Variants in MGAT5 observed in about 807,000 individuals in gnomAD.
The protein encoded by MGAT5 is alpha-1,6-mannosylglycoprotein 6-beta-N-acetylglucosaminyltransferase, also known as alpha-1,6-mannosylglycoprotein 6-beta-N-acetylglucosaminyltransferase A.
A neutral mutation model predicts 94.3 loss-of-function variants in MGAT5; 30 were observed. The ratio of observed to expected loss-of-function variants is 0.32; its 90% CI spans 0.24 to 0.43. The LOEUF is 0.43. Ranked by LOEUF, MGAT5 falls within the 20% of genes least tolerant of loss-of-function variation. The pLI, the probability that MGAT5 is intolerant of heterozygous loss-of-function variation, is 1.00. For synonymous variants in MGAT5, 310 were observed against 322.9 expected, an observed-to-expected ratio of 0.96 and a Z score of 0.43; for missense variants, 691 against 905.5, an observed-to-expected ratio of 0.76 and a Z score of 3.04.
intron 1 of MGAT5, among the ~76,000 whole-genome samples, chr2:134,171,373 C>T (rs904857398): frequency 3.9e-5 from 6 of 151,960 alleles, no homozygotes; most frequent in Admixed American, 1.3e-4. Flanking sequence ...TAGGCTAGTC[C>T]GGAAAGCATT....
intron 2 of MGAT5, among the ~76,000 whole-genome samples, chr2:134,289,828 G>C (rs1419729125): frequency 1.4e-4 from 21 of 152,214 alleles, no homozygotes; most frequent in Admixed American, 1.4e-3. Context: ...GAGGAATTAA[G>C]CATGCCCTAT....
intron 1 of MGAT5, among the ~76,000 whole-genome samples, chr2:134,124,101 G>C (rs562195505): frequency 6.6e-6 from 1 of 152,284 alleles, no homozygotes; most frequent in Admixed American, 6.5e-5. Context: ...CATGTGCTGT[G>C]CACTGGGCTG....
intron 1 of MGAT5, among the ~76,000 whole-genome samples, chr2:134,232,278 A>G (rs1681409912): frequency 1.3e-5 from 2 of 152,068 alleles, no homozygotes; most frequent in African/African-American, 2.4e-5. Flanking sequence ...CATCCTCTAC[A>G]CAGCAGCCAA....
intron 10 of MGAT5, among the ~76,000 whole-genome samples, chr2:134,381,330 C>CATAGATAGATAG (rs10637591): frequency 0.044 from 2,986 of 67,730 alleles, 153 homozygotes; most frequent in South Asian, 0.073. Flanking sequence ...AGACCTGTCT[C>CATAGATAGATAG]ATAGATAGAT....
At chr2:134,402,333 G>C (rs1683103085) in intron 10 of MGAT5, among the ~76,000 whole-genome samples, 1 of 152,156 alleles carries the variant, frequency 6.6e-6, no homozygotes, top group African/African-American at 2.4e-5. Context: ...AATTACTCTT[G>C]AATGTTTCAG....
intron 4 of MGAT5, 51 bp from the exon 5 acceptor site, chr2:134,336,166 T>C (rs563276073): frequency 7.9e-5 from 115 of 1,454,888 alleles, no homozygotes; most frequent in Admixed American, 3.8e-4. Flanking sequence ...TTTATGTATA[T>C]TAATTCATTA....
At chr2:134,281,140 G>A (rs1158044676) in intron 2 of MGAT5, among the ~76,000 whole-genome samples, 1 of 152,086 alleles carries the variant, frequency 6.6e-6, no homozygotes, top group Non-Finnish European at 1.5e-5. Flanking sequence ...GTGCAATGGC[G>A]GTAGTGACAC....
At position 134,369,812 on chromosome 2, in the gene MGAT5, T is replaced by G. The variant is rs1680673970; in HGVS notation, c.1380+7404T>G. 2.6e-5 allele frequency among the ~76,000 whole-genome samples: 4 copies of G among 151,180 alleles called. No homozygotes were observed. In the South Asian group the frequency reaches 8.4e-4, roughly 32 times the overall value. On this transcript the variant is annotated intron_variant, in intron 10 of 15. Coordinates refer to ENST00000281923, the MANE Select transcript of MGAT5 (RefSeq NM_002410.5). ...GTCTAGAAATTTGCTATCTTATCCT[T>G]TACGGAAAAAATTTGATGACAACTG...
At chr2:134,276,354 T>C (rs1176711946) in intron 2 of MGAT5, among the ~76,000 whole-genome samples, 2 of 152,234 alleles carry the variant, frequency 1.3e-5, no homozygotes, top group Admixed American at 1.3e-4. Flanking sequence ...TAATTATTTC[T>C]TCTCGTGAAA....
intron 10 of MGAT5, among the ~76,000 whole-genome samples, chr2:134,391,229 C>T (rs75266001): frequency 0.011 from 1,742 of 152,126 alleles, 31 homozygotes; most frequent in African/African-American, 0.039. Context: ...TAGTGATCTG[C>T]TTGAGGAAAC....
At chr2:134,191,787 G>A (rs558880226) in intron 1 of MGAT5, among the ~76,000 whole-genome samples, 1 of 134,176 alleles carries the variant, frequency 7.5e-6, no homozygotes, top group Admixed American at 7.6e-5. Flanking sequence ...GGGTGGTTTC[G>A]TGCCCTCCTC....
chr2:134,208,422 T>C (rs1368435496), intron 1 of MGAT5, among the ~76,000 whole-genome samples: 1 of 152,206 alleles, frequency 6.6e-6, no homozygotes, highest in Non-Finnish European at 1.5e-5. Flanking sequence ...CCTGACTGTT[T>C]AGGAAGCTTG....
chr2:134,438,013 T>TAAAAA (rs1291132840), intron 14 of MGAT5, among the ~76,000 whole-genome samples: 2 of 73,042 alleles, frequency 2.7e-5, no homozygotes. Flanking sequence ...AGACTCCGTC[T>TAAAAA]CAAAAAAAAA....
At chr2:134,170,350 A>T (rs746451207) in intron 1 of MGAT5, among the ~76,000 whole-genome samples, 1 of 152,216 alleles carries the variant, frequency 6.6e-6, no homozygotes, top group African/African-American at 2.4e-5. Flanking sequence ...CGTGGAATCA[A>T]TTCTTTCCAA....
chr2:134,285,019 G>A (rs1000253230), intron 2 of MGAT5, among the ~76,000 whole-genome samples: 2 of 152,030 alleles, frequency 1.3e-5, no homozygotes, highest in African/African-American at 4.8e-5. Context: ...TCTTCTTTTT[G>A]TTATTGTGTA....
chr2:134,347,498 T>A (rs1688989491), intron 8 of MGAT5, among the ~76,000 whole-genome samples: 1 of 152,210 alleles, frequency 6.6e-6, no homozygotes, highest in South Asian at 2.1e-4. Flanking sequence ...GTTAAAAATG[T>A]CACTAGCCAA....
chr2:134,416,633 C>G (rs1265189525), intron 12 of MGAT5, among the ~76,000 whole-genome samples: 1 of 151,718 alleles, frequency 6.6e-6, no homozygotes, highest in African/African-American at 2.4e-5. Flanking sequence ...CACGACACCT[C>G]GCTACTCTTT....
intron 10 of MGAT5, among the ~76,000 whole-genome samples, chr2:134,382,970 A>G (rs1282346425): frequency 3.3e-5 from 5 of 152,254 alleles, no homozygotes; most frequent in Non-Finnish European, 2.9e-5. Flanking sequence ...ACGCACTTCT[A>G]TATAAACTTA....
At chr2:134,163,999 G>A (rs1005945189) in intron 1 of MGAT5, among the ~76,000 whole-genome samples, 2 of 152,214 alleles carry the variant, frequency 1.3e-5, no homozygotes, top group Non-Finnish European at 2.9e-5. Context: ...ACAACAGAGA[G>A]AGAAGAAATG....
Sources: gnomAD v4.1 joint callset for allele counts (sites outside exome capture counted in the v4.1 genomes callset) on GRCh38, gnomAD v4.1.1 for gene constraint, MANE v1.5 for transcripts, NCBI Gene and HGNC (gene_info 2026-07-23, HGNC 2026-07-21) for gene names.